MEIS2: variants seen among roughly 807,000 people sequenced by gnomAD.
The protein encoded by MEIS2 is homeobox protein Meis2.
A neutral mutation model predicts 58.6 loss-of-function variants in MEIS2; 9 were observed. The ratio of observed to expected loss-of-function variants is 0.15; its 90% CI spans 0.09 to 0.27. The LOEUF is 0.27. MEIS2 is among the 10% of genes least tolerant of loss of function. The probability of loss-of-function intolerance (pLI) is 1.00; values close to 1 mark genes in which losing one functional copy is unlikely to be tolerated. For synonymous variants in MEIS2, 221 were observed against 228.4 expected (o/e 0.97, Z 0.29); for missense variants, 427 against 635.0 (o/e 0.67, Z 3.52).
chr15:37,069,805 A>G (rs1359140578), intron 7 of MEIS2, among the ~76,000 whole-genome samples: 1 of 152,174 alleles, frequency 6.6e-6, no homozygotes, highest in Non-Finnish European at 1.5e-5. Flanking sequence ...CCAGAGATCT[A>G]GGACAGTGAG....
intron 8 of MEIS2, among the ~76,000 whole-genome samples, chr15:36,977,333 T>C (rs2141491832): frequency 6.6e-6 from 1 of 152,232 alleles, no homozygotes; most frequent in Middle Eastern, 3.4e-3. Context: ...ATGAAATACA[T>C]AGCAAGAAAT....
At chr15:37,006,819 G>C (rs559239517) in intron 8 of MEIS2, among the ~76,000 whole-genome samples, 1 of 152,196 alleles carries the variant, frequency 6.6e-6, no homozygotes, top group Non-Finnish European at 1.5e-5. Context: ...TTCTGTTGTA[G>C]CTTCATGAAA....
Position 36,890,235 on chromosome 15 carries a change from A to G in MEIS2, c.*1938T>C, listed in dbSNP as rs1051167841. 1 of 152,176 alleles carries G rather than the reference A, an allele frequency of 6.6e-6. No individual in the cohort carries two copies. The highest frequency in any genetic ancestry group is 1.5e-5 in the Non-Finnish European group (1 of 68,014). 9.4% of individuals were successfully genotyped at this position (152,176 alleles called of 1,614,324 possible). On this transcript the variant is annotated 3_prime_UTR_variant, in exon 12 of 12. Coordinates refer to ENST00000561208, the MANE Select transcript of MEIS2 (RefSeq NM_170675.5). ...AAGAGTTAAAAAATTCCAGGATAGT[A>G]TATTTATTTGAAAATTGAGGGGACA... is the stretch of plus-strand genomic sequence containing the variant.
rs1249322815 is a variant in MEIS2, at chr15:37,034,681, G to C, written c.900+2133C>G. Among the ~76,000 whole-genome samples the C allele has an allele frequency of 3.9e-5, 6 of 152,272 alleles. No homozygotes were observed. The East Asian group carries it at 9.7e-4, about 25-fold the overall frequency. The stretch of plus-strand genomic sequence containing the variant: ...TCAACTCACAAAATACAGGTGGTAA[G>C]GCTTTCTATATTGGGTAACACGGAG... On this transcript the variant is annotated intron_variant, in intron 8 of 11. Transcript: ENST00000561208.
At chr15:37,054,472 C>T (rs1199133649) in intron 7 of MEIS2, among the ~76,000 whole-genome samples, 2 of 152,086 alleles carry the variant, frequency 1.3e-5, no homozygotes, top group Non-Finnish European at 2.9e-5. Flanking sequence ...GCTGGACTGC[C>T]GTGGAATGAT....
intron 8 of MEIS2, 65 bp from the exon 9 acceptor site, chr15:36,950,465 G>T: frequency 6.9e-7 from 1 of 1,446,928 alleles, no homozygotes; most frequent in Non-Finnish European, 9.7e-7. Context: ...TTACTTCTAA[G>T]AATAAAACCA....
chr15:37,030,561 T>A (rs1252986199), intron 8 of MEIS2, among the ~76,000 whole-genome samples: 1 of 152,058 alleles, frequency 6.6e-6, no homozygotes, highest in East Asian at 1.9e-4. Context: ...GGTCTTGAAC[T>A]CCTGGCCTCA....
intron 7 of MEIS2, among the ~76,000 whole-genome samples, chr15:37,068,967 C>T (rs941707620): frequency 1.3e-5 from 2 of 152,204 alleles, no homozygotes; most frequent in African/African-American, 4.8e-5. Context: ...TTTAGTATAA[C>T]ATACCAATGT....
chr15:37,092,098 G>A (rs1596121442), intron 6 of MEIS2, among the ~76,000 whole-genome samples: 1 of 152,152 alleles, frequency 6.6e-6, no homozygotes, highest in Admixed American at 6.5e-5. Context: ...ATATACAAAG[G>A]AGATCACCAA....
intron 9 of MEIS2, among the ~76,000 whole-genome samples, chr15:36,936,201 T>C (rs898503118): frequency 1.4e-4 from 21 of 150,792 alleles, no homozygotes; most frequent in African/African-American, 3.9e-4. Context: ...TTCTTTCTTT[T>C]TTTTTTTTTT....
chr15:36,935,577 A>G (rs2058136046), intron 9 of MEIS2, among the ~76,000 whole-genome samples: 1 of 152,186 alleles, frequency 6.6e-6, no homozygotes, highest in Non-Finnish European at 1.5e-5. Context: ...ACAGCAATAT[A>G]AAGTTACGTA....
Position 36,892,136 on chromosome 15 carries a change from T to C in MEIS2, c.*37A>G, listed in dbSNP as rs577760910. ...AAGTTCAGAAAGTCTTAAAATAGTT[T>C]TTGCGTGTGTTTCCTTTTCCCTTGA... On this transcript the variant is annotated 3_prime_UTR_variant, in exon 12 of 12. Coordinates refer to ENST00000561208, the MANE Select transcript of MEIS2 (RefSeq NM_170675.5). 15 of 1,604,948 alleles carry C rather than the reference T, an allele frequency of 9.3e-6. No homozygotes were observed. The highest frequency in any genetic ancestry group is 1.3e-5 in the Non-Finnish European group (15 of 1,172,970).
intron 9 of MEIS2, among the ~76,000 whole-genome samples, chr15:36,922,939 A>G (rs1471255166): frequency 6.6e-6 from 1 of 152,062 alleles, no homozygotes; most frequent in Non-Finnish European, 1.5e-5. Flanking sequence ...CTTTCTACGC[A>G]GTGTTTTTAG....
At chr15:36,957,934 A>AT (rs1451333001) in intron 8 of MEIS2, among the ~76,000 whole-genome samples, 1 of 152,170 alleles carries the variant, frequency 6.6e-6, no homozygotes, top group Non-Finnish European at 1.5e-5. Context: ...ACATCTCTGA[A>AT]TTTTTTACTT....
intron 7 of MEIS2, among the ~76,000 whole-genome samples, chr15:37,076,250 G>A (rs1286584669): frequency 6.6e-6 from 1 of 151,908 alleles, no homozygotes; most frequent in Admixed American, 6.6e-5. Context: ...GGTAGAAATC[G>A]GAAAGAAAGA....
At chr15:36,964,676 C>T (rs1194772) in intron 8 of MEIS2, among the ~76,000 whole-genome samples, 131,875 of 152,206 alleles carry the variant, frequency 0.87, 57,396 homozygotes, top group African/African-American at 0.94. Context: ...GGCAGAAGTA[C>T]ATGACTGTCA....
chr15:37,035,023 C>T (rs1028267593), intron 8 of MEIS2, among the ~76,000 whole-genome samples: 8 of 152,130 alleles, frequency 5.3e-5, no homozygotes, highest in African/African-American at 1.9e-4. Flanking sequence ...GTTGAAAACA[C>T]ACGTAGCTGT....
At chr15:36,895,353 T>G in intron 10 of MEIS2, 92 bp from the exon 11 acceptor site, 9 of 1,067,678 alleles carry the variant, frequency 8.4e-6, no homozygotes, top group Non-Finnish European at 1.1e-5. Context: ...TGAAACGTTA[T>G]AGCAACAATG....
At chr15:36,936,576 C>T (rs2058183738) in intron 9 of MEIS2, among the ~76,000 whole-genome samples, 1 of 152,130 alleles carries the variant, frequency 6.6e-6, no homozygotes, top group African/African-American at 2.4e-5. Context: ...GAATGTGTTC[C>T]TGAGAACCAT....
Sources: gnomAD v4.1 joint callset for allele counts (sites outside exome capture counted in the v4.1 genomes callset) on GRCh38, gnomAD v4.1.1 for gene constraint, MANE v1.5 for transcripts, NCBI Gene and HGNC (gene_info 2026-07-23, HGNC 2026-07-21) for gene names.